WNK2: variants seen among roughly 807,000 people sequenced by gnomAD.
WNK2 encodes the protein WNK lysine deficient protein kinase 2, also known as serine/threonine-protein kinase WNK2.
Under a neutral mutation model 192.1 loss-of-function variants are expected in WNK2, and 67 were observed. The observed-to-expected ratio is 0.35, with a 90% confidence interval of 0.29 to 0.43. The LOEUF (loss-of-function observed/expected upper bound fraction) is 0.43, where lower values mean the gene tolerates loss of function less well. Ranked by LOEUF, WNK2 falls within the 20% of genes least tolerant of loss-of-function variation. The pLI is 1.00. For synonymous variants in WNK2, 1,439 were observed against 1,393.9 expected (o/e 1.03, Z -0.72); for missense variants, 2,698 against 3,089.7 (o/e 0.87, Z 3.01).
chr9:93,227,658 T>A (rs1471794542), intron 2 of WNK2, among the ~76,000 whole-genome samples: 2 of 152,184 alleles, frequency 1.3e-5, no homozygotes, highest in Non-Finnish European at 2.9e-5. Flanking sequence ...GTTTGTGACT[T>A]GACTTAAATA....
At chr9:93,224,231 G>T (rs988285765) in intron 2 of WNK2, among the ~76,000 whole-genome samples, 2 of 152,220 alleles carry the variant, frequency 1.3e-5, no homozygotes, top group African/African-American at 4.8e-5. Flanking sequence ...CCCTTCAAGG[G>T]GTTGGATTTT....
intron 10 of WNK2, 80 bp downstream of exon 10, chr9:93,256,534 G>A (rs1052481231): frequency 7.1e-7 from 1 of 1,409,656 alleles, no homozygotes; most frequent in Admixed American, 2.7e-5. Flanking sequence ...AGGTCTATGA[G>A]CACCTCCCAC....
At chr9:93,230,742 G>A (rs745460426) in intron 3 of WNK2, 146 bp from the exon 4 acceptor site, 168 of 791,850 alleles carry the variant, frequency 2.1e-4, no homozygotes, top group Non-Finnish European at 1.7e-4. Context: ...CGGCCCTCCC[G>A]TCTCACCTTC....
At chr9:93,210,190 C>T (rs1470692034) in intron 2 of WNK2, among the ~76,000 whole-genome samples, 2 of 151,906 alleles carry the variant, frequency 1.3e-5, no homozygotes, top group South Asian at 4.2e-4. Flanking sequence ...CTGCAGTAAG[C>T]GTTCCCACCC....
Position 93,278,146 on chromosome 9 carries a change from T to C in WNK2, c.4033+9400T>C, listed in dbSNP as rs374600807. Among the ~76,000 whole-genome samples the C allele has an allele frequency of 3.3e-5, 5 of 152,166 alleles. No individual in the cohort carries two copies. In the East Asian group the frequency reaches 9.6e-4, roughly 29 times the overall value. On this transcript the variant is annotated intron_variant, in intron 19 of 29. Transcript: ENST00000427277. ...CTCAGCCTACTGCCTTGAAAAAGTT[T>C]CTATTCCAGAGCAGGGAAGGAAGAG...
In WNK2 at chr9:93,247,867, C is replaced by T; in HGVS notation, c.1834+33C>T. 1 of 1,526,526 alleles carries T rather than the reference C, an allele frequency of 6.6e-7. No homozygotes were observed. 94.6% of individuals were successfully genotyped at this position (1,526,526 alleles called of 1,614,324 possible). ...CTCAGGGGTGGGATGGCCATGGGCA[C>T]CCCTCCCACCTACCCTGCAAAAACC... On this transcript the variant is annotated intron_variant, in intron 8 of 29. Transcript: ENST00000427277. The surrounding 1 kb of genome is among the most constrained non-coding windows in gnomAD (Gnocchi z 5.2).
At position 93,240,805 on chromosome 9, in the gene WNK2, C is replaced by A. The variant is rs771923999; in HGVS notation, c.1542+829C>A. 2.3e-4 allele frequency among the ~76,000 whole-genome samples: 35 copies of A among 152,188 alleles called. 1 individual carries two copies. The highest frequency in any genetic ancestry group is 2.4e-4 in the Non-Finnish European group (16 of 68,026). On this transcript the variant is annotated intron_variant, in intron 7 of 29. Coordinates refer to ENST00000427277, the MANE Select transcript of WNK2 (RefSeq NM_006648.4). ...AGGTCTGTGCCATCCAGTAAAATCG[C>A]CACTGCCCACATGTGCTATTAAAAT...
intron 26 of WNK2, among the ~76,000 whole-genome samples, chr9:93,302,009 C>T (rs1851694449): frequency 6.6e-6 from 1 of 152,240 alleles, no homozygotes; most frequent in South Asian, 2.1e-4. Flanking sequence ...TCCGAAGTCT[C>T]TGCCACTCTC....
intron 23 of WNK2, 111 bp downstream of exon 23, chr9:93,293,284 C>T (rs1236915329): frequency 1.9e-5 from 19 of 983,964 alleles, no homozygotes; most frequent in Non-Finnish European, 2.6e-5. Context: ...GCAGCGCCCA[C>T]TTGGAGCTGC....
intron 19 of WNK2, among the ~76,000 whole-genome samples, chr9:93,270,844 C>A (rs1389534374): frequency 6.6e-6 from 1 of 152,182 alleles, no homozygotes; most frequent in African/African-American, 2.4e-5. Context: ...TTTGAGGAAG[C>A]CAGGACTCTA....
chr9:93,185,116 C>T lies in WNK2; in HGVS notation c.187C>T (p.Pro63Ser). 1.5e-6 allele frequency: 2 copies of T among 1,310,418 alleles called. No individual in the cohort carries two copies. The highest frequency in any genetic ancestry group is 1.9e-5 in the South Asian group (1 of 52,180). The allele number at this position is 1,310,418 out of a possible 1,614,324, so 81.2% of individuals were successfully genotyped here. A position where few individuals can be genotyped will look rare whatever the true frequency, so the allele number is the denominator to read the frequency against. The change falls in exon 2 of 30, where the codon CCG (proline) becomes TCG (serine). Residue 63 changes from proline (P) to serine (S), a missense_variant. Transcript: ENST00000427277. ...GCCGGGCTTGGAGGCAGCCGAGGCG[C>T]CGGGCCCGCAGCCCCCGCAGCCCCT... ...EPPGLEAAEAPGPQPPQPLQR... is the reference protein window; with the variant it reads ...EPPGLEAAEASGPQPPQPLQR...
chr9:93,314,650 C>T (rs1339826074), intron 28 of WNK2, among the ~76,000 whole-genome samples: 1 of 152,084 alleles, frequency 6.6e-6, no homozygotes, highest in Non-Finnish European at 1.5e-5. Context: ...CCTAATGGTC[C>T]TGGGAATTTA....
chr9:93,191,799 T>G (rs1014223044), intron 2 of WNK2, among the ~76,000 whole-genome samples: 4 of 151,876 alleles, frequency 2.6e-5, no homozygotes, highest in Non-Finnish European at 4.4e-5. Flanking sequence ...TTGAGACGGG[T>G]GGATCATTTG....
intron 28 of WNK2, chr9:93,317,245 A>G: frequency 1.8e-6 from 1 of 558,550 alleles, no homozygotes; most frequent in South Asian, 2.0e-5. Flanking sequence ...AGGCCCCACT[A>G]GTCCTCCTCC....
intron 26 of WNK2, among the ~76,000 whole-genome samples, chr9:93,305,798 G>A (rs368735054): frequency 1.3e-5 from 2 of 152,246 alleles, no homozygotes; most frequent in East Asian, 1.9e-4. Flanking sequence ...GCTGAGGAGC[G>A]TGTTCCTGCT....
At position 93,185,376 on chromosome 9, in the gene WNK2, G is replaced by C. The variant is rs1829101778; in HGVS notation, c.447G>C (p.Ala149=). ...GCGGCCCCAGGGAGGAGGCGGCGGC[G>C]ACCGTGAGGAAGGAGGATGAGGGGG... ...PDGGPREEAA[A]TVRKEDEGAA... is the part of the protein sequence containing the mutation. The change falls in exon 2 of 30, where the codon GCG becomes GCC. Residue 149 remains alanine (A), a synonymous_variant. Coordinates refer to ENST00000427277, the MANE Select transcript of WNK2 (RefSeq NM_006648.4). The C allele has an allele frequency of 3.2e-6, 5 of 1,585,472 alleles. No homozygotes were observed. The highest frequency in any genetic ancestry group is 1.3e-5 in the African/African-American group (1 of 74,386).
chr9:93,186,154 G>A (rs1022150716), intron 2 of WNK2, among the ~76,000 whole-genome samples: 5 of 152,252 alleles, frequency 3.3e-5, no homozygotes, highest in African/African-American at 1.2e-4. Context: ...CCCAGGGCCT[G>A]TGACCCAGAG....
chr9:93,185,414 A>G lies in WNK2; in HGVS notation c.485A>G (p.Lys162Arg), dbSNP rs1191981485. Residue 162 changes from lysine (K) to arginine (R), a missense_variant, in exon 2 of 30, where the codon AAG becomes AGG. Lys to Arg is a conservative substitution (Grantham distance 26). Coordinates refer to ENST00000427277, the MANE Select transcript of WNK2 (RefSeq NM_006648.4). ...GAGGATGAGGGGGCGGCCGAGGCGA[A>G]GCCTGAGCCCGGGCGCACTCGCCGG... The part of the protein sequence containing the change: ...RKEDEGAAEA[K>R]PEPGRTRRDE... The G allele has an allele frequency of 1.2e-6, 2 of 1,608,830 alleles. No homozygotes were observed. The highest frequency in any genetic ancestry group is 1.7e-6 in the Non-Finnish European group (2 of 1,178,500).
rs369979422 is a variant in WNK2 at position 93,289,475 on chromosome 9, C to A, written c.4721C>A (p.Thr1574Asn). Reference sequence around the variant, plus strand: ...CCCACCTCCTCAGCCTCAGCTGGGACCCCTGTGGAGGTGGGCGACAGAGAC... The same window carrying A: ...CCCACCTCCTCAGCCTCAGCTGGGAACCCTGTGGAGGTGGGCGACAGAGAC... The part of the protein sequence containing the change: ...HVPTSSASAG[T>N]PVEVGDRDFT... Residue 1574 changes from threonine (T) to asparagine (N), a missense_variant, in exon 20 of 30, where the codon ACC (threonine) becomes AAC (asparagine). Physicochemically the swap from Thr to Asn is moderately conservative, Grantham distance 65. Transcript: ENST00000427277. 1.1e-5 allele frequency: 18 copies of A among 1,611,876 alleles called. No homozygotes were observed. The African/African-American group carries it at 2.3e-4, about 20-fold the overall frequency.
Sources: gnomAD v4.1 joint callset for allele counts (sites outside exome capture counted in the v4.1 genomes callset) on GRCh38, gnomAD v4.1.1 for gene constraint, Gnocchi (gnomAD v3.1) non-coding constraint, MANE v1.5 for transcripts, NCBI Gene and HGNC (gene_info 2026-07-23, HGNC 2026-07-21) for gene names.